The following BTN3A3 variants were observed in gnomAD, a reference collection of about 807,000 sequenced individuals.
BTN3A3 encodes the protein butyrophilin 3.
Under a neutral mutation model 43.2 loss-of-function variants are expected in BTN3A3, and 39 were observed. The observed-to-expected ratio is 0.90, with a 90% CI of 0.70 to 1.18. The LOEUF is 1.18. Among genes scored for constraint, BTN3A3 ranks in the 50% most tolerant of loss-of-function variants. BTN3A3 has a pLI of 0.00. For synonymous variants in BTN3A3, 255 were observed against 272.7 expected, an observed-to-expected ratio of 0.93 and a Z score of 0.64; for missense variants, 631 against 722.8, an observed-to-expected ratio of 0.87 and a Z score of 1.46.
At chr6:26,443,863 C>T in intron 3 of BTN3A3, 94 bp from the exon 4 acceptor site, 1 of 1,583,406 alleles carries the variant, frequency 6.3e-7, no homozygotes, top group South Asian at 1.1e-5. Context: ...CCTCTAGGTT[C>T]TCTGTATCTC....
At position 26,448,729 on chromosome 6, in the gene BTN3A3, G is replaced by A; in HGVS notation, c.939G>A (p.Lys313=). ...SLREKLQEEL[K]WRKIQYMARG... ...CCTTCCCTATTCATTCCATTGCAGA[G>A]TGGAGGAAAATCCAGTACATGGCTC... Residue 313 remains lysine (K), a splice_region_variant and synonymous_variant, in exon 8 of 11, where the codon AAG becomes AAA. Transcript: ENST00000244519. 1 of 1,613,886 alleles carries A rather than the reference G, an allele frequency of 6.2e-7. No homozygotes were observed. Among genetic ancestry groups the A allele is most frequent in the Non-Finnish European group, 8.5e-7 (1 of 1,179,996 alleles).
intron 4 of BTN3A3, 179 bp downstream of exon 4, chr6:26,444,483 T>TG: frequency 1.9e-6 from 2 of 1,029,904 alleles, no homozygotes; most frequent in South Asian, 1.6e-5. Flanking sequence ...TTAGAAAGAA[T>TG]TCCTGCTGTA....
Position 26,450,087 on chromosome 6 carries a change from C to A in BTN3A3, c.992-20C>A. On this transcript the variant is annotated intron_variant, in intron 9 of 10. Transcript: ENST00000244519. ...ACAAAAATACTGACCTTTTTCTTAT[C>A]TGTGTCTCCTTCCTTTCAGAATGGA... 1 of 1,612,624 alleles carries A rather than the reference C, an allele frequency of 6.2e-7. No individual in the cohort carries two copies. The highest frequency in any genetic ancestry group is 8.5e-7 in the Non-Finnish European group (1 of 1,178,730).
rs755373159 is a variant in BTN3A3 at position 26,451,828 on chromosome 6, C to T, written c.1172C>T (p.Thr391Ile). Residue 391 changes from threonine to isoleucine, a missense_variant, in exon 11 of 11, where the codon ACA becomes ATA. Physicochemically the swap from Thr to Ile is moderately conservative, Grantham distance 89. Coordinates refer to ENST00000244519, the MANE Select transcript of BTN3A3 (RefSeq NM_006994.5). ...TGTGTCCTTGGCTGTGAAAACTTCA[C>T]ATCAGGGAGACATTACTGGGAGGTG... ...RYCVLGCENF[T>I]SGRHYWEVEV... 10 of 1,613,922 alleles carry T rather than the reference C, an allele frequency of 6.2e-6. No individual in the cohort carries two copies. The highest frequency in any genetic ancestry group is 1.3e-5 in the African/African-American group (1 of 74,914).
Position 26,448,414 on chromosome 6 carries a change from A to T in BTN3A3, c.882A>T (p.Gly294=). 1 of 1,613,922 alleles carries T rather than the reference A, an allele frequency of 6.2e-7. No homozygotes were observed. The highest frequency in any genetic ancestry group is 1.3e-5 in the African/African-American group (1 of 74,954). Residue 294 remains glycine, a synonymous_variant, in exon 6 of 11, where the codon GGA becomes GGT. Coordinates refer to ENST00000244519, the MANE Select transcript of BTN3A3 (RefSeq NM_006994.5). ...TEREREMKEM[G]YAATEQEISL... is the part of the protein sequence containing the mutation. ...GAGAGCGAGAGATGAAAGAAATGGG[A>T]TACGCTGCAACAGAGCAAGAAATAA...
Position 26,449,589 on chromosome 6 carries a change from C to A in BTN3A3, c.965-73C>A. 16 of 1,544,738 alleles carry A rather than the reference C, an allele frequency of 1.0e-5. No individual in the cohort carries two copies. In the South Asian group the frequency reaches 1.7e-4, roughly 16 times the overall value. ...GTCAAAAAGAAAGTCTAGATGGATG[C>A]GAAAGGAAGTGGAAGGGGCCAACAG... On this transcript the variant is annotated intron_variant, in intron 8 of 10. Transcript: ENST00000244519.
In BTN3A3 at chr6:26,451,826, C is replaced by T; in HGVS notation, c.1170C>T (p.Phe390=). 1.2e-6 allele frequency: 2 copies of T among 1,614,016 alleles called. No homozygotes were observed. The highest frequency in any genetic ancestry group is 1.7e-6 in the Non-Finnish European group (2 of 1,179,904). The change falls in exon 11 of 11, where the codon TTC becomes TTT. Residue 390 remains phenylalanine (F), a synonymous_variant. Coordinates refer to ENST00000244519, the MANE Select transcript of BTN3A3 (RefSeq NM_006994.5). The stretch of plus-strand genomic sequence containing the variant: ...ACTGTGTCCTTGGCTGTGAAAACTT[C>T]ACATCAGGGAGACATTACTGGGAGG... ...WRYCVLGCEN[F]TSGRHYWEVE... is the part of the protein sequence containing the mutation.
Position 26,451,680 on chromosome 6 carries a change from GTGAT to G in BTN3A3, c.1026_1029del (p.Ile343TrpfsTer82). On this transcript the variant is annotated frameshift_variant, in exon 11 of 11. Transcript: ENST00000244519. LOFTEE classifies it low-confidence loss of function (END_TRUNC). ...CCTCCTCAAACTCTCTGCAGCGGAT[GTGAT>G]TCTGGATCCAGACACGGCAAACGCC... The G allele has an allele frequency of 6.2e-7, 1 of 1,610,946 alleles. No individual in the cohort carries two copies. The highest frequency in any genetic ancestry group is 8.5e-7 in the Non-Finnish European group (1 of 1,178,034).
chr6:26,451,140 G>A (rs1322385061), intron 10 of BTN3A3, among the ~76,000 whole-genome samples: 1 of 152,120 alleles, frequency 6.6e-6, no homozygotes, highest in African/African-American at 2.4e-5. Flanking sequence ...TAGAACATCA[G>A]GAGCTTCCTT....
At chr6:26,446,315 A>G (rs1762777540) in intron 5 of BTN3A3, among the ~76,000 whole-genome samples, 2 of 152,356 alleles carry the variant, frequency 1.3e-5, no homozygotes, top group African/African-American at 2.4e-5. Flanking sequence ...TATATTTACA[A>G]ACTCATAGAG....
At chr6:26,447,114 G>A (rs1304415117) in intron 5 of BTN3A3, among the ~76,000 whole-genome samples, 2 of 152,052 alleles carry the variant, frequency 1.3e-5, no homozygotes, top group African/African-American at 2.4e-5. Context: ...TCCATACAAG[G>A]GAATACTGCC....
Position 26,444,235 on chromosome 6 carries a change from G to A in BTN3A3, c.364G>A (p.Gly122Arg), listed in dbSNP as rs1388980692. Residue 122 changes from glycine (G) to arginine (R), a missense_variant, in exon 4 of 11, where the codon GGA (glycine) becomes AGA (arginine). Coordinates refer to ENST00000244519, the MANE Select transcript of BTN3A3 (RefSeq NM_006994.5). ...RIHNVTASDS[G>R]KYLCYFQDGD... ...ACACAACGTCACAGCCTCTGACAGT[G>A]GAAAGTACTTGTGTTATTTCCAAGA... 3.7e-6 allele frequency: 6 copies of A among 1,611,932 alleles called. No individual in the cohort carries two copies. The Admixed American group carries it at 1.0e-4, about 27-fold the overall frequency.
At chr6:26,448,564 C>A (rs1173035321) in intron 6 of BTN3A3, 53 bp from the exon 7 acceptor site, 1 of 1,612,888 alleles carries the variant, frequency 6.2e-7, no homozygotes, top group East Asian at 2.2e-5. Context: ...TCCCAAAACC[C>A]CCCTTACCCA....
At chr6:26,450,951 T>A (rs748835559) in intron 10 of BTN3A3, among the ~76,000 whole-genome samples, 2 of 152,148 alleles carry the variant, frequency 1.3e-5, no homozygotes, top group African/African-American at 2.4e-5. Context: ...CCTTCCAATC[T>A]TCTATCAGGG....
rs553170648 is a variant in BTN3A3, at chr6:26,448,349, C to T, written c.817C>T (p.Gln273Ter). ...AGGAGCCAGTTACTTCTTGTGGAGA[C>T]AACAGAAGGAAAAAATTGCTCTGTC... The part of the protein sequence containing the change: ...LAGASYFLWR[Q>*]QKEKIALSRE... Residue 273 changes from glutamine (Q) to a stop codon, truncating the protein, a stop_gained, in exon 6 of 11, where the codon CAA becomes TAA. Coordinates refer to ENST00000244519, the MANE Select transcript of BTN3A3 (RefSeq NM_006994.5). LOFTEE classifies it high-confidence loss of function. The T allele has an allele frequency of 6.8e-6, 11 of 1,613,666 alleles. No homozygotes were observed. The African/African-American group carries it at 8.0e-5, about 12-fold the overall frequency.
rs1012869983 is a variant in BTN3A3, at chr6:26,440,654, T to TG, written c.-67+10dup. The TG allele has an allele frequency of 1.3e-5, 2 of 152,146 alleles. No individual in the cohort carries two copies. Among genetic ancestry groups the TG allele is most frequent in the African/African-American group, 4.8e-5 (2 of 41,402 alleles). The allele number at this position is 152,146 out of a possible 1,614,324, so 9.4% of individuals were successfully genotyped here. A position where few individuals can be genotyped will look rare whatever the true frequency, so the allele number is the denominator to read the frequency against. Reference sequence around the variant, plus strand: ...TCAGAGGGGAATACTAAGAAGTAAGTGGGGAATGTTGATTAGAGCCTGGGC... The same window carrying TG: ...TCAGAGGGGAATACTAAGAAGTAAGTGGGGGAATGTTGATTAGAGCCTGGGC... On this transcript the variant is annotated splice_region_variant and intron_variant, in intron 1 of 10. Coordinates refer to ENST00000244519, the MANE Select transcript of BTN3A3 (RefSeq NM_006994.5).
In BTN3A3 at chr6:26,446,720, TTTTG is replaced by T. The variant is rs560548626; in HGVS notation, c.715+749_715+752del. Among the ~76,000 whole-genome samples, 13 of 152,240 alleles carry T rather than the reference TTTTG, an allele frequency of 8.5e-5. No homozygotes were observed. In the East Asian group the frequency reaches 2.3e-3, roughly 27 times the overall value. ...CCATGTAAAAGGTTTCTGGGGGTTTTTTTGTTTGTTTGTTTGTATGTTTTTTGAG... is the reference window on the plus strand; with the variant it reads ...CCATGTAAAAGGTTTCTGGGGGTTTTTTTGTTTGTTTGTATGTTTTTTGAG... On this transcript the variant is annotated intron_variant, in intron 5 of 10. Transcript: ENST00000244519.
intron 5 of BTN3A3, among the ~76,000 whole-genome samples, chr6:26,446,575 C>T (rs1230365889): frequency 1.3e-5 from 2 of 152,164 alleles, no homozygotes; most frequent in African/African-American, 4.8e-5. Flanking sequence ...GTCATTTGCT[C>T]GTGTCACTTG....
chr6:26,442,694 G>C (rs1411694172), intron 1 of BTN3A3, among the ~76,000 whole-genome samples: 4 of 152,224 alleles, frequency 2.6e-5, no homozygotes, highest in Non-Finnish European at 5.9e-5. Flanking sequence ...CAGTGCTGCA[G>C]TGTCATTCTC....
Sources: allele counts gnomAD v4.1 joint callset (sites outside exome capture counted in the v4.1 genomes callset), GRCh38; gene constraint gnomAD v4.1.1; transcripts MANE v1.5; gene names NCBI Gene and HGNC (gene_info 2026-07-23, HGNC 2026-07-21).